The following EDARADD variants were observed in gnomAD, a reference collection of about 807,000 sequenced individuals.
EDARADD encodes ectodysplasin-A receptor-associated adapter protein.
In EDARADD, 20 loss-of-function variants were observed where a neutral mutation model predicts 25.6. The observed-to-expected ratio is 0.78, with a 90% CI of 0.55 to 1.14. EDARADD has a LOEUF of 1.14. Ranked by LOEUF, EDARADD falls within the 50% of genes most tolerant of loss-of-function variation. EDARADD has a pLI of 0.00. For missense variants in EDARADD, 225 were observed against 270.1 expected (o/e 0.83, Z 1.17); for synonymous variants, 86 against 94.4 (o/e 0.91, Z 0.52).
intron 4 of EDARADD, among the ~76,000 whole-genome samples, chr1:236,459,691 C>A (rs1658986794): frequency 6.8e-6 from 1 of 146,040 alleles, no homozygotes; most frequent in East Asian, 2.1e-4. Flanking sequence ...CGGCTCACTG[C>A]AACCTCTGCC....
At chr1:236,414,378 C>A in intron 3 of EDARADD, 79 bp downstream of exon 3, 2 of 1,196,320 alleles carry the variant, frequency 1.7e-6, no homozygotes, top group South Asian at 1.3e-5. Flanking sequence ...CCTAATTTTT[C>A]ATTATTTAAA....
At chr1:236,451,024 C>T (rs567455912) in intron 4 of EDARADD, among the ~76,000 whole-genome samples, 9 of 152,260 alleles carry the variant, frequency 5.9e-5, no homozygotes, top group African/African-American at 2.2e-4. Flanking sequence ...TGCACAATTA[C>T]CTCATATGGG....
At chr1:236,394,050 C>A (rs1301652314), upstream of EDARADD, among the ~76,000 whole-genome samples, 1 of 151,322 alleles carries the variant, frequency 6.6e-6, no homozygotes, top group Non-Finnish European at 1.5e-5. Context: ...TGATATAATG[C>A]AGAATGGGAA....
At chr1:236,363,147 C>T (rs1201534404) in intron 3 of EDARADD, among the ~76,000 whole-genome samples, 13 of 148,164 alleles carry the variant, frequency 8.8e-5, no homozygotes, top group African/African-American at 3.2e-4. Context: ...GGATTACAGG[C>T]ATGAACCACT....
intron 4 of EDARADD, among the ~76,000 whole-genome samples, chr1:236,451,368 A>G (rs759898246): frequency 3.3e-5 from 5 of 152,178 alleles, no homozygotes; most frequent in Non-Finnish European, 7.4e-5. Flanking sequence ...TTATATTTAC[A>G]TGAAACAAAC....
At chr1:236,449,742 G>A (rs1487603429) in intron 4 of EDARADD, among the ~76,000 whole-genome samples, 1 of 152,198 alleles carries the variant, frequency 6.6e-6, no homozygotes, top group African/African-American at 2.4e-5. Context: ...GTTTAAAACT[G>A]TTAATAGTAA....
At chr1:236,419,342 T>C (rs1031389600) in intron 3 of EDARADD, among the ~76,000 whole-genome samples, 2 of 152,126 alleles carry the variant, frequency 1.3e-5, no homozygotes, top group Non-Finnish European at 2.9e-5. Flanking sequence ...TGCAGTGAGC[T>C]ATAGCTATAA....
At chr1:236,421,720 G>T (rs1252698087) in intron 3 of EDARADD, among the ~76,000 whole-genome samples, 2 of 151,762 alleles carry the variant, frequency 1.3e-5, no homozygotes, top group African/African-American at 4.8e-5. Context: ...CCTCTAACTG[G>T]TCTCTAACTC....
chr1:236,419,672 G>T (rs1481675469), intron 3 of EDARADD, among the ~76,000 whole-genome samples: 1 of 152,200 alleles, frequency 6.6e-6, no homozygotes, highest in Admixed American at 6.5e-5. Context: ...GGAGAGCTGA[G>T]AGCGAGGCAA....
chr1:236,429,114 A>C (rs1420262064), intron 4 of EDARADD, among the ~76,000 whole-genome samples: 5 of 151,840 alleles, frequency 3.3e-5, no homozygotes, highest in Non-Finnish European at 7.4e-5. Context: ...TGGGCATCAG[A>C]GGGAGACCGT....
At chr1:236,381,172 G>T (rs1667291718) in intron 3 of EDARADD, among the ~76,000 whole-genome samples, 1 of 152,006 alleles carries the variant, frequency 6.6e-6, no homozygotes, top group Non-Finnish European at 1.5e-5. Context: ...CATACAATAC[G>T]CATGCTTTTG....
At chr1:236,357,682 C>T (rs922473723) in intron 3 of EDARADD, among the ~76,000 whole-genome samples, 1 of 151,926 alleles carries the variant, frequency 6.6e-6, no homozygotes, top group African/African-American at 2.4e-5. Flanking sequence ...ACAGACTTCA[C>T]AAACCAGATC....
upstream of EDARADD, among the ~76,000 whole-genome samples, chr1:236,391,297 A>C (rs1365168252): frequency 6.6e-6 from 1 of 152,180 alleles, no homozygotes; most frequent in Non-Finnish European, 1.5e-5. Flanking sequence ...GGGAACAGTG[A>C]TTCTCAAGAA....
intron 4 of EDARADD, among the ~76,000 whole-genome samples, chr1:236,452,739 G>T (rs534299254): frequency 6.6e-6 from 1 of 152,164 alleles, no homozygotes; most frequent in Non-Finnish European, 1.5e-5. Context: ...CACCACATTT[G>T]ACCCACCCTT....
At chr1:236,379,181 C>T (rs1481235849) in intron 3 of EDARADD, among the ~76,000 whole-genome samples, 1 of 152,012 alleles carries the variant, frequency 6.6e-6, no homozygotes, top group African/African-American at 2.4e-5. Flanking sequence ...ACCAGCCTGG[C>T]CAACATGGTG....
intron 3 of EDARADD, among the ~76,000 whole-genome samples, chr1:236,368,374 C>A (rs1301001199): frequency 6.6e-6 from 1 of 151,896 alleles, no homozygotes; most frequent in Non-Finnish European, 1.5e-5. Flanking sequence ...CATTGTATAA[C>A]CATTCACATT....
At chr1:236,462,444 G>A (rs1253607) in intron 4 of EDARADD, among the ~76,000 whole-genome samples, 31,724 of 151,734 alleles carry the variant, frequency 0.21, 3,965 homozygotes, top group East Asian at 0.52. Context: ...GTCCAAATCA[G>A]TGGCCTCTCC....
Position 236,484,418 on chromosome 1 carries a change from CAG to C in EDARADD, c.*1770_*1771del. The C allele has an allele frequency of 6.2e-7, 1 of 1,610,304 alleles. No homozygotes were observed. The highest frequency in any genetic ancestry group is 1.1e-5 in the South Asian group (1 of 90,980). On this transcript the variant is annotated 3_prime_UTR_variant, in exon 6 of 6. Coordinates refer to ENST00000334232, the MANE Select transcript of EDARADD (RefSeq NM_145861.4). The surrounding 1 kb of genome is among the most constrained non-coding windows in gnomAD (Gnocchi z 4.1). The stretch of plus-strand genomic sequence containing the variant: ...TCCTCAGAATTGAAGAGGAGCTGGG[CAG>C]CAAGGCTAAGTTTGCCGGCAGGAAC...
chr1:236,410,584 C>T (rs1198511874), intron 2 of EDARADD, among the ~76,000 whole-genome samples: 2 of 152,126 alleles, frequency 1.3e-5, no homozygotes, highest in Non-Finnish European at 2.9e-5. Flanking sequence ...TGCTCCTGCC[C>T]AGCACTGCTT....
Sources: gnomAD v4.1 joint callset for allele counts (sites outside exome capture counted in the v4.1 genomes callset) on GRCh38, gnomAD v4.1.1 for gene constraint, Gnocchi (gnomAD v3.1) non-coding constraint, MANE v1.5 for transcripts, NCBI Gene and HGNC (gene_info 2026-07-23, HGNC 2026-07-21) for gene names.